Variants in MGAT4C observed in about 807,000 individuals in gnomAD.
The protein encoded by MGAT4C is MGAT4 family member C, also known as alpha-1,3-mannosyl-glycoprotein 4-beta-N-acetylglucosaminyltransferase C.
Under a neutral mutation model 40.1 loss-of-function variants are expected in MGAT4C, and 19 were observed. That is an observed-to-expected ratio of 0.47 (90% CI 0.33 to 0.70). The LOEUF (loss-of-function observed/expected upper bound fraction) is 0.70. MGAT4C is among the 30% of genes least tolerant of loss of function. The pLI is 0.02. For synonymous variants in MGAT4C, 181 were observed against 187.1 expected (o/e 0.97, Z 0.27); for missense variants, 491 against 563.2 (o/e 0.87, Z 1.30).
chr12:86,680,474 T>C (rs1055252286), intron 2 of MGAT4C, among the ~76,000 whole-genome samples: 1 of 152,046 alleles, frequency 6.6e-6, no homozygotes, highest in African/African-American at 2.4e-5. Flanking sequence ...CCAGATCTGA[T>C]GGACTTCTTC....
chr12:86,686,248 G>C (rs1422632401), intron 2 of MGAT4C, among the ~76,000 whole-genome samples: 1 of 152,040 alleles, frequency 6.6e-6, no homozygotes. Context: ...TCAGCTTAAG[G>C]AGTTTGGGGG....
At chr12:86,029,862 A>G (rs1890581765) in intron 2 of MGAT4C, among the ~76,000 whole-genome samples, 1 of 151,958 alleles carries the variant, frequency 6.6e-6, no homozygotes, top group South Asian at 2.1e-4. Flanking sequence ...ACAGAGGAGA[A>G]AGTGTCTGGG....
At chr12:86,269,428 C>T (rs563976964) in intron 4 of MGAT4C, among the ~76,000 whole-genome samples, 1 of 151,618 alleles carries the variant, frequency 6.6e-6, no homozygotes, top group African/African-American at 2.4e-5. Flanking sequence ...CATTTCTTGA[C>T]AGTAGTCAAG....
chr12:86,673,317 T>C (rs373788328), intron 2 of MGAT4C, among the ~76,000 whole-genome samples: 20 of 152,324 alleles, frequency 1.3e-4, no homozygotes, highest in Non-Finnish European at 2.4e-4. Flanking sequence ...GTAAATTAAA[T>C]ACTTAGAATA....
chr12:86,743,116 ATGTGTG>A lies in MGAT4C; in HGVS notation c.-261-15881_-261-15876del, dbSNP rs60215418. On this transcript the variant is annotated intron_variant, in intron 1 of 7. Coordinates refer to the MGAT4C transcript ENST00000548651. ...TGTGTGTGTATGTATGTGTGTATGC[ATGTGTG>A]TGTGTGTGTGTGTGTGTGTGTGTGT... Among the ~76,000 whole-genome samples, 514 of 144,572 alleles carry A rather than the reference ATGTGTG, an allele frequency of 3.6e-3. 2 individuals are homozygous for A. The highest frequency in any genetic ancestry group is 8.7e-3 in the African/African-American group (342 of 39,316). 94.8% of individuals were successfully genotyped at this position (144,572 alleles called of 152,430 possible). A position where few individuals can be genotyped will look rare whatever the true frequency, so the allele number is the denominator to read the frequency against.
intron 1 of MGAT4C, among the ~76,000 whole-genome samples, chr12:86,089,651 T>C (rs1872530824): frequency 6.6e-6 from 1 of 151,862 alleles, no homozygotes; most frequent in Non-Finnish European, 1.5e-5. Context: ...ATTATTCATC[T>C]TTTTACCATT....
intron 2 of MGAT4C, among the ~76,000 whole-genome samples, chr12:86,508,264 T>C (rs2136343959): frequency 6.6e-6 from 1 of 152,046 alleles, no homozygotes; most frequent in East Asian, 1.9e-4. Flanking sequence ...TGTGTCCAAG[T>C]GTTCTCATTG....
intron 2 of MGAT4C, among the ~76,000 whole-genome samples, chr12:85,991,491 C>G (rs533897586): frequency 1.3e-5 from 2 of 152,286 alleles, no homozygotes; most frequent in African/African-American, 4.8e-5. Context: ...GTCTGTCTGC[C>G]TCCCACTACT....
intron 2 of MGAT4C, among the ~76,000 whole-genome samples, chr12:86,697,425 A>G (rs1334682547): frequency 6.6e-6 from 1 of 152,020 alleles, no homozygotes; most frequent in Non-Finnish European, 1.5e-5. Flanking sequence ...TAAATTTCTC[A>G]TTTTATATGT....
At position 85,979,490 on chromosome 12, in the gene MGAT4C, A is replaced by G; in HGVS notation, c.1236T>C (p.Asp412=). The part of the protein sequence containing the change: ...QNDILHHGAL[D]VGENVMPSKQ... ...TGCTAGGCATAACGTTTTCCCCAAC[A>G]TCTAGGGCTCCATGATGCAAAATAT... Residue 412 remains aspartate (D), a synonymous_variant, in exon 5 of 5, where the codon GAT becomes GAC. Transcript: ENST00000611864. 1.2e-6 allele frequency: 2 copies of G among 1,613,356 alleles called. No homozygotes were observed. Among genetic ancestry groups the G allele is most frequent in the Non-Finnish European group, 1.7e-6 (2 of 1,179,544 alleles).
chr12:86,623,457 A>G (rs1318918143), intron 2 of MGAT4C, among the ~76,000 whole-genome samples: 3 of 152,170 alleles, frequency 2.0e-5, no homozygotes, highest in African/African-American at 4.8e-5. Flanking sequence ...TTTAAAATGT[A>G]TCAATGAACA....
At chr12:86,260,916 A>T (rs1233710144), upstream of MGAT4C, among the ~76,000 whole-genome samples, 4 of 152,034 alleles carry the variant, frequency 2.6e-5, no homozygotes, top group African/African-American at 9.7e-5. Flanking sequence ...TTTGAAACAG[A>T]AACAAAGCTA....
chr12:85,960,304 A>G lies in MGAT4C; in HGVS notation c.*18985T>C, dbSNP rs1481430606. On this transcript the variant is annotated 3_prime_UTR_variant, in exon 5 of 5. Coordinates refer to ENST00000611864, the MANE Select transcript of MGAT4C (RefSeq NM_001351288.2). Reference sequence around the variant, plus strand: ...GGAAGTGATTTTCTCATTGAATAAGAGAATCCGAACTGGCATCGAGGATAT... The same window carrying G: ...GGAAGTGATTTTCTCATTGAATAAGGGAATCCGAACTGGCATCGAGGATAT... The G allele has an allele frequency of 6.6e-6, 1 of 152,056 alleles. No individual in the cohort carries two copies. Among genetic ancestry groups the G allele is most frequent in the Non-Finnish European group, 1.5e-5 (1 of 67,920 alleles). The allele number at this position is 152,056 out of a possible 1,614,324, so 9.4% of individuals were successfully genotyped here.
chr12:86,797,486 A>T lies in MGAT4C; in HGVS notation c.-262+41180T>A, dbSNP rs529164953. On this transcript the variant is annotated intron_variant, in intron 1 of 7. Transcript: ENST00000548651. ...TCAATAATTGCCAAATGTAACAGAT[A>T]TTTTTTTTCAATTCAACTATTAAAA... Among the ~76,000 whole-genome samples, 1,075 of 151,648 alleles carry T rather than the reference A, an allele frequency of 7.1e-3. 11 individuals are homozygous for T. Among genetic ancestry groups the T allele is most frequent in the African/African-American group, 0.025 (1,021 of 41,396 alleles).
At chr12:86,759,590 G>A (rs1951365713) in intron 1 of MGAT4C, among the ~76,000 whole-genome samples, 1 of 151,994 alleles carries the variant, frequency 6.6e-6, no homozygotes, top group Non-Finnish European at 1.5e-5. Context: ...ACTGGAGTAA[G>A]GTTATATCTC....
chr12:86,585,500 G>C (rs894644402), intron 2 of MGAT4C, among the ~76,000 whole-genome samples: 60 of 151,334 alleles, frequency 4.0e-4, no homozygotes, highest in African/African-American at 1.4e-3. Context: ...TTTGCCTAAA[G>C]GTAAAATGCT....
intron 3 of MGAT4C, among the ~76,000 whole-genome samples, chr12:85,988,477 T>C (rs1257221025): frequency 6.6e-6 from 1 of 152,230 alleles, no homozygotes; most frequent in East Asian, 1.9e-4. Context: ...TTTTTGCATG[T>C]GAAAATCACT....
At chr12:86,781,054 C>T (rs1266674559) in intron 1 of MGAT4C, among the ~76,000 whole-genome samples, 2 of 150,970 alleles carry the variant, frequency 1.3e-5, no homozygotes, top group East Asian at 1.9e-4. Context: ...GTCACATTTC[C>T]TTTTTCTTAT....
chr12:86,320,387 G>T (rs1349239408), intron 4 of MGAT4C, among the ~76,000 whole-genome samples: 1 of 151,992 alleles, frequency 6.6e-6, no homozygotes, highest in East Asian at 1.9e-4. Context: ...GCATAAAGGT[G>T]GTCTAGATTA....
Sources: allele counts gnomAD v4.1 joint callset (sites outside exome capture counted in the v4.1 genomes callset), GRCh38; gene constraint gnomAD v4.1.1; transcripts MANE v1.5; gene names NCBI Gene and HGNC (gene_info 2026-07-23, HGNC 2026-07-21).